The following CEMIP variants were observed in gnomAD, a reference collection of about 807,000 sequenced individuals.
The protein encoded by CEMIP is cell migration-inducing and hyaluronan-binding protein.
CEMIP carries 105 observed loss-of-function variants against 156.9 expected under a neutral mutation model. The observed-to-expected ratio is 0.67, with a 90% CI of 0.57 to 0.79. The LOEUF is 0.79. Among genes scored for constraint, CEMIP ranks in the 30% least tolerant of loss-of-function variants. The pLI is 0.00. For synonymous variants in CEMIP, 676 were observed against 668.4 expected (o/e 1.01, Z -0.17); for missense variants, 1,457 against 1,769.4 (o/e 0.82, Z 3.17).
Position 80,921,101 on chromosome 15 carries a change from G to A in CEMIP, c.2073G>A (p.Glu691=). 6.2e-7 allele frequency: 1 copy of A among 1,613,948 alleles called. No individual in the cohort carries two copies. Among genetic ancestry groups the A allele is most frequent in the Non-Finnish European group, 8.5e-7 (1 of 1,179,852 alleles). Residue 691 remains glutamate (E), a splice_region_variant and synonymous_variant, in exon 16 of 30, where the codon GAG becomes GAA. Coordinates refer to ENST00000394685, the MANE Select transcript of CEMIP (RefSeq NM_001293298.2). ...TCAACTGTGCCGCTGCAGGATCTGAGGTGAGCAGAAATATTCCTTCTTTGG... is the reference window on the plus strand; with the variant it reads ...TCAACTGTGCCGCTGCAGGATCTGAAGTGAGCAGAAATATTCCTTCTTTGG... The part of the protein sequence containing the change: ...NLINCAAAGS[E]ETGFWFIFHH...
chr15:80,893,735 G>A (rs1005466360), intron 10 of CEMIP, among the ~76,000 whole-genome samples: 1 of 152,054 alleles, frequency 6.6e-6, no homozygotes, highest in Admixed American at 6.5e-5. Flanking sequence ...AAATGACTGA[G>A]TTTTAATTGT....
chr15:80,783,673 A>C (rs1895853763), intron 1 of CEMIP, among the ~76,000 whole-genome samples: 1 of 152,170 alleles, frequency 6.6e-6, no homozygotes, highest in Admixed American at 6.5e-5. Flanking sequence ...GGTGACTGTC[A>C]TGGTGACTTT....
At position 80,933,173 on chromosome 15, in the gene CEMIP, G is replaced by A. The variant is rs895613436; in HGVS notation, c.2794-72G>A. On this transcript the variant is annotated intron_variant, in intron 22 of 29. Coordinates refer to ENST00000394685, the MANE Select transcript of CEMIP (RefSeq NM_001293298.2). ...AACGTCAGTGGAAATCGGAAACCTC[G>A]CCCTGGCCTGATGACGGCTGCAGTT... 15 of 1,350,026 alleles carry A rather than the reference G, an allele frequency of 1.1e-5. 1 individual carries two copies. Among genetic ancestry groups the A allele is most frequent in the Middle Eastern group, 3.7e-4 (2 of 5,336 alleles). 83.6% of individuals were successfully genotyped at this position (1,350,026 alleles called of 1,614,324 possible).
chr15:80,820,512 A>T (rs1896886496), intron 1 of CEMIP, among the ~76,000 whole-genome samples: 1 of 152,214 alleles, frequency 6.6e-6, no homozygotes, highest in Admixed American at 6.5e-5. Flanking sequence ...ATCAGTTACA[A>T]GGAGTAGCAG....
At chr15:80,890,712 G>C (rs1347294218) in intron 10 of CEMIP, among the ~76,000 whole-genome samples, 2 of 152,086 alleles carry the variant, frequency 1.3e-5, no homozygotes, top group Non-Finnish European at 2.9e-5. Context: ...TCAAAGCTCG[G>C]GTCCCAGGTC....
At chr15:80,907,036 T>A (rs1899838654) in intron 13 of CEMIP, among the ~76,000 whole-genome samples, 198 bp downstream of exon 13, 2 of 152,082 alleles carry the variant, frequency 1.3e-5, no homozygotes, top group African/African-American at 4.8e-5. Flanking sequence ...TATTTGGGAA[T>A]AAGAGAGATG....
At position 80,924,786 on chromosome 15, in the gene CEMIP, C is replaced by T. The variant is rs184676848; in HGVS notation, c.2288+80C>T. The T allele has an allele frequency of 4.1e-6, 5 of 1,208,914 alleles. No individual in the cohort carries two copies. The Admixed American group carries it at 9.0e-5, about 22-fold the overall frequency. 74.9% of individuals were successfully genotyped at this position (1,208,914 alleles called of 1,614,324 possible). On this transcript the variant is annotated intron_variant, in intron 18 of 29. Transcript: ENST00000394685. ...CCTCCCCCTCCTTCAATCACTCATT[C>T]ATTCCCTGAGCATCTGTTGAGCCCT...
intron 12 of CEMIP, among the ~76,000 whole-genome samples, chr15:80,902,605 G>A (rs1311060523): frequency 6.6e-6 from 1 of 152,198 alleles, no homozygotes; most frequent in South Asian, 2.1e-4. Context: ...CTGCAGCCGG[G>A]AAGACGGCTG....
chr15:80,920,993 C>A, intron 15 of CEMIP, 39 bp from the exon 16 acceptor site: 1 of 1,589,666 alleles, frequency 6.3e-7, no homozygotes. Flanking sequence ...CCCCTGGCGG[C>A]CCTTTATCTG....
At position 80,923,812 on chromosome 15, in the gene CEMIP, C is replaced by T. The variant is rs185989303; in HGVS notation, c.2203-809C>T. Among the ~76,000 whole-genome samples the T allele has an allele frequency of 1.1e-3, 174 of 152,306 alleles. 2 individuals carry two copies. Among genetic ancestry groups the T allele is most frequent in the African/African-American group, 4.0e-3 (168 of 41,564 alleles). ...TGTGACATAGGTATCACTAGCCCAT[C>T]TTGCAGATGATATGACTAAGGCTAA... is the stretch of plus-strand genomic sequence containing the variant. On this transcript the variant is annotated intron_variant, in intron 17 of 29. Transcript: ENST00000394685.
At chr15:80,882,781 CAT>C (rs904998261) in intron 6 of CEMIP, among the ~76,000 whole-genome samples, 31 of 150,100 alleles carry the variant, frequency 2.1e-4, no homozygotes, top group African/African-American at 7.1e-4. Flanking sequence ...CACACACACA[CAT>C]ACACACACAC....
At chr15:80,788,285 A>G (rs1895990947) in intron 1 of CEMIP, among the ~76,000 whole-genome samples, 1 of 152,102 alleles carries the variant, frequency 6.6e-6, no homozygotes, top group African/African-American at 2.4e-5. Flanking sequence ...AGCCTGGCCA[A>G]CATGGTGAAA....
chr15:80,922,987 C>T (rs969061886), intron 17 of CEMIP, among the ~76,000 whole-genome samples: 2 of 152,158 alleles, frequency 1.3e-5, no homozygotes, highest in Non-Finnish European at 1.5e-5. Flanking sequence ...GAAAAACTGA[C>T]GTTCCTCAAA....
rs370867307 is a variant in CEMIP at position 80,920,990 on chromosome 15, C to T, written c.2004-42C>T. The T allele has an allele frequency of 1.3e-4, 205 of 1,569,286 alleles. 1 individual carries two copies. Among genetic ancestry groups the T allele is most frequent in the African/African-American group, 1.8e-4 (13 of 74,040 alleles). On this transcript the variant is annotated intron_variant, in intron 15 of 29. Coordinates refer to ENST00000394685, the MANE Select transcript of CEMIP (RefSeq NM_001293298.2). ...TGCCATGTGGCAGGATGACCCCTGG[C>T]GGCCCTTTATCTGATCTCAGGTATC...
intron 1 of CEMIP, among the ~76,000 whole-genome samples, chr15:80,859,066 G>C (rs1351795574): frequency 2.0e-5 from 3 of 152,216 alleles, no homozygotes; most frequent in African/African-American, 7.2e-5. Flanking sequence ...TTTCCCAGTA[G>C]TTCCAGCCAA....
intron 9 of CEMIP, among the ~76,000 whole-genome samples, chr15:80,889,247 T>C (rs1191251427): frequency 6.6e-6 from 1 of 152,260 alleles, no homozygotes; most frequent in Non-Finnish European, 1.5e-5. Context: ...AGAATATAAA[T>C]TGCTTTTATA....
At chr15:80,806,183 C>T (rs900194182) in intron 1 of CEMIP, among the ~76,000 whole-genome samples, 15 of 152,232 alleles carry the variant, frequency 9.9e-5, no homozygotes, top group African/African-American at 3.6e-4. Context: ...CATGTGATGA[C>T]TCAGTTCTTC....
chr15:80,894,378 T>C (rs1899137922), intron 10 of CEMIP, among the ~76,000 whole-genome samples: 1 of 152,166 alleles, frequency 6.6e-6, no homozygotes, highest in African/African-American at 2.4e-5. Flanking sequence ...TCTGTAAAAC[T>C]AACAGCAGCC....
intron 29 of CEMIP, 172 bp from the exon 30 acceptor site, chr15:80,948,625 G>T: frequency 1.2e-6 from 1 of 865,486 alleles, no homozygotes; most frequent in Non-Finnish European, 1.9e-6. Flanking sequence ...ACAAACACAT[G>T]TCAGGCACCA....
Sources: allele counts gnomAD v4.1 joint callset (sites outside exome capture counted in the v4.1 genomes callset), GRCh38; gene constraint gnomAD v4.1.1; transcripts MANE v1.5; gene names NCBI Gene and HGNC (gene_info 2026-07-23, HGNC 2026-07-21).